DNAH7: variants seen among roughly 807,000 people sequenced by gnomAD.
The protein encoded by DNAH7 is dynein axonemal heavy chain 7, also known as axonemal beta dynein heavy chain 7.
Under a neutral mutation model 444.6 loss-of-function variants are expected in DNAH7, and 397 were observed. The observed-to-expected ratio is 0.89, with a 90% CI of 0.82 to 0.97. The LOEUF (loss-of-function observed/expected upper bound fraction) is 0.97, where lower values mean the gene tolerates loss of function less well. Among genes scored for constraint, DNAH7 ranks in the 50% least tolerant of loss-of-function variants. DNAH7 has a pLI of 0.00. For synonymous variants in DNAH7, 1,636 were observed against 1,624.4 expected, an observed-to-expected ratio of 1.01 and a Z score of -0.17; for missense variants, 4,902 against 4,800.8, an observed-to-expected ratio of 1.02 and a Z score of -0.62.
intron 48 of DNAH7, among the ~76,000 whole-genome samples, chr2:195,830,236 G>C (rs1462069763): frequency 1.3e-5 from 2 of 152,114 alleles, no homozygotes; most frequent in Non-Finnish European, 2.9e-5. Flanking sequence ...GGGAAATCAA[G>C]ACTAGGAATC....
intron 19 of DNAH7, among the ~76,000 whole-genome samples, chr2:195,944,883 C>A (rs796629980): frequency 1.2e-4 from 19 of 152,072 alleles, no homozygotes; most frequent in African/African-American, 4.3e-4. Context: ...CCCATCTCAC[C>A]TCCCTTGTAC....
At position 195,855,916 on chromosome 2, in the gene DNAH7, A is replaced by T; in HGVS notation, c.8490T>A (p.Gly2830=). 1 of 1,613,972 alleles carries T rather than the reference A, an allele frequency of 6.2e-7. No homozygotes were observed. Among genetic ancestry groups the T allele is most frequent in the African/African-American group, 1.3e-5 (1 of 74,994 alleles). ...TAAGGGCTGCCTGCTTCTTTCTAAG[A>T]CCATCCATGGCAATTTTAAGCTCCC... The part of the protein sequence containing the change: ...AEGELKIAMD[G]LRKKQAALKE... Residue 2830 remains glycine (G), a synonymous_variant, in exon 45 of 65, where the codon GGT becomes GGA. Transcript: ENST00000312428.
chr2:195,841,708 CA>C (rs2124994108), intron 47 of DNAH7, among the ~76,000 whole-genome samples: 1 of 151,762 alleles, frequency 6.6e-6, no homozygotes, highest in South Asian at 2.1e-4. Context: ...TGTTTTTCTC[CA>C]CATAATCTTT....
intron 20 of DNAH7, 26 bp downstream of exon 20, chr2:195,936,573 A>T (rs1388818036): frequency 2.0e-6 from 3 of 1,521,440 alleles, no homozygotes; most frequent in Non-Finnish European, 2.6e-6. Flanking sequence ...AAATTTAGTC[A>T]TGTATTCTAC....
chr2:195,920,845 T>G (rs557376373), intron 24 of DNAH7, among the ~76,000 whole-genome samples: 1 of 152,034 alleles, frequency 6.6e-6, no homozygotes, highest in Admixed American at 6.6e-5. Flanking sequence ...ATATCCAGAA[T>G]CTACAAGGAA....
At position 195,824,451 on chromosome 2, in the gene DNAH7, G is replaced by A. The variant is rs1246468354; in HGVS notation, c.9101-6C>T. On this transcript the variant is annotated splice_polypyrimidine_tract_variant and splice_region_variant and intron_variant, in intron 48 of 64. Transcript: ENST00000312428. Reference sequence around the variant, plus strand: ...GCCAACATTTTCTAGCAACACTGGAGTAAAATCAGAAAAGATTTCATGTTA... The same window carrying A: ...GCCAACATTTTCTAGCAACACTGGAATAAAATCAGAAAAGATTTCATGTTA... 3 of 1,588,664 alleles carry A rather than the reference G, an allele frequency of 1.9e-6. No individual in the cohort carries two copies. Among genetic ancestry groups the A allele is most frequent in the Non-Finnish European group, 2.6e-6 (3 of 1,169,894 alleles).
In DNAH7 at chr2:195,740,869, C is replaced by G. The variant is rs1420064120; in HGVS notation, c.11765G>C (p.Gly3922Ala). The part of the protein sequence containing the change: ...DKEYKHPPED[G>A]VFIHGLFLDG... ...CAGAAATAATCCGTGAATGAAAACA[C>G]CTAAATATAAAAGAAACACATTAAT... Residue 3922 changes from glycine to alanine, a missense_variant and splice_region_variant, in exon 64 of 65, where the codon GGT (glycine) becomes GCT (alanine). Transcript: ENST00000312428. 5 of 1,524,756 alleles carry G rather than the reference C, an allele frequency of 3.3e-6. No individual in the cohort carries two copies. The highest frequency in any genetic ancestry group is 4.4e-6 in the Non-Finnish European group (5 of 1,133,952). 94.5% of individuals were successfully genotyped at this position (1,524,756 alleles called of 1,614,324 possible). A position where few individuals can be genotyped will look rare whatever the true frequency, so the allele number is the denominator to read the frequency against.
At chr2:195,989,492 G>C (rs1686301283) in intron 12 of DNAH7, among the ~76,000 whole-genome samples, 1 of 152,104 alleles carries the variant, frequency 6.6e-6, no homozygotes. Context: ...ATATCTTCTT[G>C]TGATAAATGT....
intron 19 of DNAH7, among the ~76,000 whole-genome samples, chr2:195,944,270 C>A (rs1689654874): frequency 1.3e-5 from 2 of 152,144 alleles, no homozygotes. Context: ...TCTCTAATTT[C>A]TTTAAATCCA....
chr2:195,986,715 C>G (rs1051256925), intron 14 of DNAH7, among the ~76,000 whole-genome samples: 2 of 151,966 alleles, frequency 1.3e-5, no homozygotes, highest in South Asian at 4.1e-4. Context: ...CCCTTAGGAC[C>G]CATAACAACT....
chr2:195,825,137 G>C (rs1015603284), intron 48 of DNAH7: 1 of 152,212 alleles, frequency 6.6e-6, no homozygotes, highest in African/African-American at 2.4e-5. Context: ...GAATTAGCCA[G>C]GTGGCAGCTA....
chr2:195,921,663 G>T (rs1688034641), intron 24 of DNAH7, among the ~76,000 whole-genome samples: 2 of 152,058 alleles, frequency 1.3e-5, no homozygotes, highest in Admixed American at 6.6e-5. Flanking sequence ...CAGGTGATGG[G>T]TGCACCAAAT....
chr2:195,829,902 GT>G (rs893255356), intron 48 of DNAH7, among the ~76,000 whole-genome samples: 1 of 151,616 alleles, frequency 6.6e-6, no homozygotes, highest in Non-Finnish European at 1.5e-5. Flanking sequence ...TATATCCTTA[GT>G]ACTGAATATT....
At chr2:196,020,267 A>G (rs1192937434) in intron 8 of DNAH7, among the ~76,000 whole-genome samples, 1 of 152,152 alleles carries the variant, frequency 6.6e-6, no homozygotes, top group Non-Finnish European at 1.5e-5. Context: ...TTAAGCTTAT[A>G]TATTTAACCA....
intron 48 of DNAH7, 149 bp from the exon 49 acceptor site, chr2:195,824,594 A>G: frequency 2.8e-6 from 2 of 705,608 alleles, no homozygotes; most frequent in Non-Finnish European, 4.4e-6. Flanking sequence ...AAAAGTATAA[A>G]GAAATAATGC....
chr2:195,866,921 T>C (rs1393266815), intron 40 of DNAH7, among the ~76,000 whole-genome samples: 1 of 152,130 alleles, frequency 6.6e-6, no homozygotes. Context: ...CGAGACCTGA[T>C]GGTTTTAAAA....
intron 25 of DNAH7, 47 bp from the exon 26 acceptor site, chr2:195,907,056 G>A (rs6710775): frequency 0.17 from 247,286 of 1,416,662 alleles, 27,300 homozygotes; most frequent in African/African-American, 0.54. Context: ...CTGATTCAAT[G>A]TTGCAATGAA....
chr2:195,994,390 C>G (rs377441589), intron 12 of DNAH7: 3 of 724,400 alleles, frequency 4.1e-6, no homozygotes. Flanking sequence ...AATGGTCCTT[C>G]TAGGTTAGAA....
At chr2:196,047,113 A>C (rs1391010787) in intron 5 of DNAH7, among the ~76,000 whole-genome samples, 2 of 152,200 alleles carry the variant, frequency 1.3e-5, no homozygotes, top group Non-Finnish European at 2.9e-5. Context: ...AAGAACTCCC[A>C]GAAATTCAGC....
Sources: allele counts gnomAD v4.1 joint callset (sites outside exome capture counted in the v4.1 genomes callset), GRCh38; gene constraint gnomAD v4.1.1; transcripts MANE v1.5; gene names NCBI Gene and HGNC (gene_info 2026-07-23, HGNC 2026-07-21).